Variants in CMIP observed in about 807,000 individuals in gnomAD.
CMIP encodes the protein C-Maf-inducing protein.
In CMIP, 13 loss-of-function variants were observed where a neutral mutation model predicts 97.3. The observed-to-expected ratio is 0.13, with a 90% CI of 0.09 to 0.21. The LOEUF (loss-of-function observed/expected upper bound fraction) is 0.21. CMIP is among the 10% of genes least tolerant of loss of function. The pLI is 1.00. For synonymous variants in CMIP, 538 were observed against 436.3 expected, an observed-to-expected ratio of 1.23 and a Z score of -2.91; for missense variants, 847 against 1,024.9, an observed-to-expected ratio of 0.83 and a Z score of 2.37.
chr16:81,454,695 A>G (rs1382405972), intron 1 of CMIP, among the ~76,000 whole-genome samples: 4 of 152,234 alleles, frequency 2.6e-5, no homozygotes, highest in Non-Finnish European at 4.4e-5. Context: ...CTTCCCTCCC[A>G]AGGGACTCAT....
intron 1 of CMIP, among the ~76,000 whole-genome samples, chr16:81,541,414 C>A (rs2150839509): frequency 6.6e-6 from 1 of 152,252 alleles, no homozygotes. Context: ...TGGCAGAGGG[C>A]TGTGATTTCA....
chr16:81,524,996 A>G (rs999864487), intron 1 of CMIP, among the ~76,000 whole-genome samples: 2 of 152,050 alleles, frequency 1.3e-5, no homozygotes, highest in Middle Eastern at 3.4e-3. Flanking sequence ...GGGTTACACC[A>G]TGTTGGACAG....
rs114510916 is a variant in CMIP, at chr16:81,470,605, A to G, written c.300+25064A>G. On this transcript the variant is annotated intron_variant, in intron 1 of 20. Transcript: ENST00000537098. ...TTGGGGTTATACTGGCTGGAGCCAT[A>G]GGAAATTGAGATTTAAAAAAGCTAT... is the stretch of plus-strand genomic sequence containing the variant. Among the ~76,000 whole-genome samples the G allele has an allele frequency of 6.8e-3, 1,030 of 152,350 alleles. 7 individuals carry two copies. Among genetic ancestry groups the G allele is most frequent in the African/African-American group, 0.023 (975 of 41,572 alleles).
At chr16:81,513,561 C>T (rs2089854046) in intron 1 of CMIP, among the ~76,000 whole-genome samples, 3 of 152,168 alleles carry the variant, frequency 2.0e-5, no homozygotes, top group Non-Finnish European at 2.9e-5. Flanking sequence ...GCTGAGCCGG[C>T]GTGGAGCTGG....
intron 1 of CMIP, among the ~76,000 whole-genome samples, chr16:81,550,955 C>G (rs1263984471): frequency 1.4e-5 from 2 of 147,458 alleles, no homozygotes; most frequent in Non-Finnish European, 3.0e-5. Flanking sequence ...CACACACACC[C>G]CAGTCCCGTC....
At position 81,495,341 on chromosome 16, in the gene CMIP, G is replaced by A. The variant is rs909767094; in HGVS notation, c.300+49800G>A. The A allele has an allele frequency of 1.1e-5, 16 of 1,469,448 alleles. No homozygotes were observed. The African/African-American group carries it at 1.1e-4, about 10-fold the overall frequency. 91.0% of individuals were successfully genotyped at this position (1,469,448 alleles called of 1,614,324 possible). A position where few individuals can be genotyped will look rare whatever the true frequency, so the allele number is the denominator to read the frequency against. On this transcript the variant is annotated intron_variant, in intron 1 of 20. Transcript: ENST00000537098. ...GTTCAGTGATAAGCAGGAGCCAGGC[G>A]ACCCACAGGCTTCTTGGATGGGCTG...
chr16:81,691,980 T>C, intron 11 of CMIP, 140 bp downstream of exon 11: 1 of 729,130 alleles, frequency 1.4e-6, no homozygotes. Context: ...CGGTACCAGC[T>C]CAGCCACGTC....
intron 1 of CMIP, among the ~76,000 whole-genome samples, chr16:81,582,198 A>T (rs568758598): frequency 8.7e-4 from 133 of 152,206 alleles, no homozygotes; most frequent in African/African-American, 3.1e-3. Flanking sequence ...CTTCTCCAAC[A>T]TTGGGGATTA....
intron 1 of CMIP, among the ~76,000 whole-genome samples, chr16:81,477,774 G>A (rs544598326): frequency 1.3e-5 from 2 of 152,318 alleles, no homozygotes; most frequent in African/African-American, 4.8e-5. Flanking sequence ...CTGCTCCTCC[G>A]TTCTTAGCAC....
At chr16:81,617,917 A>G (rs2091941927) in intron 2 of CMIP, among the ~76,000 whole-genome samples, 1 of 152,188 alleles carries the variant, frequency 6.6e-6, no homozygotes, top group Non-Finnish European at 1.5e-5. Context: ...TGGCGGGGCC[A>G]GTGGACACAG....
At chr16:81,567,565 C>T (rs1423571836) in intron 1 of CMIP, among the ~76,000 whole-genome samples, 2 of 152,232 alleles carry the variant, frequency 1.3e-5, no homozygotes, top group Non-Finnish European at 2.9e-5. Context: ...TTCACACCTT[C>T]AGGGATGGTG....
At chr16:81,538,867 C>T (rs1319228652) in intron 1 of CMIP, among the ~76,000 whole-genome samples, 1 of 151,882 alleles carries the variant, frequency 6.6e-6, no homozygotes, top group Non-Finnish European at 1.5e-5. Context: ...TTAATTTTAT[C>T]TGTATCCAGT....
At chr16:81,547,191 G>A (rs1354090028) in intron 1 of CMIP, among the ~76,000 whole-genome samples, 10 of 152,192 alleles carry the variant, frequency 6.6e-5, no homozygotes, top group Non-Finnish European at 1.5e-4. Context: ...AGCATATCTG[G>A]TAGAGGGAAG....
chr16:81,675,538 G>A (rs1292854399), intron 9 of CMIP, among the ~76,000 whole-genome samples: 4 of 152,010 alleles, frequency 2.6e-5, no homozygotes, highest in East Asian at 3.9e-4. Flanking sequence ...TTGTATCTAC[G>A]GGTCCTTGAA....
At chr16:81,470,085 A>G (rs1907431518) in intron 1 of CMIP, among the ~76,000 whole-genome samples, 1 of 152,254 alleles carries the variant, frequency 6.6e-6, no homozygotes, top group African/African-American at 2.4e-5. Flanking sequence ...AGCAGGAGGA[A>G]GAACAAACCA....
At chr16:81,507,124 C>T (rs1320831109) in intron 1 of CMIP, among the ~76,000 whole-genome samples, 11 of 150,496 alleles carry the variant, frequency 7.3e-5, no homozygotes, top group African/African-American at 1.7e-4. Flanking sequence ...GGCGTGGTGG[C>T]GGGCGCCTGT....
At chr16:81,543,997 T>C (rs752840749) in intron 1 of CMIP, among the ~76,000 whole-genome samples, 3 of 152,234 alleles carry the variant, frequency 2.0e-5, no homozygotes, top group Non-Finnish European at 4.4e-5. Flanking sequence ...CACATTTTTA[T>C]TGCATCCACC....
At chr16:81,708,357 C>T (rs1484821485) in intron 20 of CMIP, among the ~76,000 whole-genome samples, 1 of 152,208 alleles carries the variant, frequency 6.6e-6, no homozygotes, top group Non-Finnish European at 1.5e-5. Flanking sequence ...GTAACCCCAC[C>T]CTGGGGGATT....
intron 1 of CMIP, among the ~76,000 whole-genome samples, chr16:81,599,577 C>T (rs2091622897): frequency 1.3e-5 from 2 of 152,164 alleles, no homozygotes; most frequent in Non-Finnish European, 1.5e-5. Flanking sequence ...CAGCTCCTTT[C>T]TCATAATATG....
Sources: allele counts gnomAD v4.1 joint callset (sites outside exome capture counted in the v4.1 genomes callset), GRCh38; gene constraint gnomAD v4.1.1; transcripts MANE v1.5; gene names NCBI Gene and HGNC (gene_info 2026-07-23, HGNC 2026-07-21).